PCDHA8: variants seen among roughly 807,000 people sequenced by gnomAD.
PCDHA8 encodes the protein protocadherin alpha 8.
A neutral mutation model predicts 61.8 loss-of-function variants in PCDHA8; 53 were observed. The observed-to-expected ratio is 0.86, with a 90% CI of 0.69 to 1.08. The LOEUF (loss-of-function observed/expected upper bound fraction) is 1.08. PCDHA8 is among the 50% of genes least tolerant of loss of function. PCDHA8 has a pLI of 0.00. For synonymous variants in PCDHA8, 618 were observed against 556.6 expected (o/e 1.11, Z -1.55); for missense variants, 1,293 against 1,245.0 (o/e 1.04, Z -0.58).
intron 1 of PCDHA8, among the ~76,000 whole-genome samples, chr5:140,941,599 G>A (rs1017713166): frequency 3.3e-5 from 5 of 152,116 alleles, no homozygotes; most frequent in African/African-American, 1.2e-4. Flanking sequence ...ACAGCCATGA[G>A]CCATGGTGCC....
intron 1 of PCDHA8, among the ~76,000 whole-genome samples, chr5:140,930,720 A>T (rs574022781): frequency 5.3e-5 from 8 of 152,226 alleles, no homozygotes; most frequent in Non-Finnish European, 8.8e-5. Flanking sequence ...TCAAGTAATG[A>T]TGTTAACTGC....
rs10569930 is a variant in PCDHA8, at chr5:140,925,641, TATAATAATAATA to T, written c.2395-53282_2395-53271del. On this transcript the variant is annotated intron_variant, in intron 1 of 3. Coordinates refer to ENST00000531613, the MANE Select transcript of PCDHA8 (RefSeq NM_018911.3). ...TGCACATGTACCCTAGAACTTAAAG[TATAATAATAATA>T]ATAATAATAATAATAATAATAATAA... Among the ~76,000 whole-genome samples the T allele has an allele frequency of 2.0e-4, 29 of 143,352 alleles. 1 individual carries two copies. Among genetic ancestry groups the T allele is most frequent in the Admixed American group, 7.0e-4 (10 of 14,330 alleles). 94.0% of individuals were successfully genotyped at this position (143,352 alleles called of 152,430 possible). A position where few individuals can be genotyped will look rare whatever the true frequency, so the allele number is the denominator to read the frequency against.
At chr5:140,933,073 T>C (rs1198976304) in intron 1 of PCDHA8, among the ~76,000 whole-genome samples, 1 of 152,026 alleles carries the variant, frequency 6.6e-6, no homozygotes, top group Non-Finnish European at 1.5e-5. Context: ...TAAAGTATTA[T>C]GGGAAGTAAG....
Position 140,841,355 on chromosome 5 carries a change from T to C in PCDHA8, c.34T>C (p.Trp12Arg). 6.2e-7 allele frequency: 1 copy of C among 1,612,706 alleles called. No homozygotes were observed. The highest frequency in any genetic ancestry group is 8.5e-7 in the Non-Finnish European group (1 of 1,179,190). The change falls in exon 1 of 4, where the codon TGG becomes CGG. Residue 12 changes from tryptophan (W) to arginine (R), a missense_variant. Trp to Arg is a moderately radical substitution (Grantham distance 101, BLOSUM62 -3). Transcript: ENST00000531613. ...DYHWRGELGSWRLLLLLLLLA... is the reference protein window; with the variant it reads ...DYHWRGELGSRRLLLLLLLLA... ...TCACTGGCGAGGAGAGCTGGGATCC[T>C]GGCGACTACTACTCTTGCTTCTGCT... is the stretch of plus-strand genomic sequence containing the variant.
intron 1 of PCDHA8, chr5:140,883,985 G>A (rs782534317): frequency 1.2e-6 from 2 of 1,612,814 alleles, no homozygotes; most frequent in Admixed American, 1.7e-5. Context: ...GGCTGGCAGC[G>A]CGGGAGGCAC....
At chr5:140,865,089 T>C (rs1462427966) in intron 1 of PCDHA8, 2 of 152,250 alleles carry the variant, frequency 1.3e-5, no homozygotes, top group Admixed American at 1.3e-4. Context: ...GGGATATTAA[T>C]AAAGGCACTT....
intron 1 of PCDHA8, chr5:140,870,676 G>C (rs561705674): frequency 1.9e-6 from 3 of 1,612,584 alleles, no homozygotes; most frequent in Non-Finnish European, 2.5e-6. Flanking sequence ...GTTGGACCAC[G>C]AGGAGCTGGA....
At chr5:140,875,859 C>G (rs1381473536) in intron 1 of PCDHA8, 1 of 1,614,038 alleles carries the variant, frequency 6.2e-7, no homozygotes, top group Non-Finnish European at 8.5e-7. Flanking sequence ...TTAACGACAA[C>G]CCGCCGGTGT....
rs782520879 is a variant in PCDHA8, at chr5:141,009,808, T to A, written c.2724T>A (p.Ile908=). Residue 908 remains isoleucine (I), a synonymous_variant, in exon 4 of 4, where the codon ATT becomes ATA. Transcript: ENST00000531613. ...GGCAGGAGCCTACTAACAGCCAAAT[T>A]GACAAAAGTGACTTCATAACCTTCG... The part of the protein sequence containing the change: ...SIRQEPTNSQ[I]DKSDFITFGK... The A allele has an allele frequency of 1.2e-6, 2 of 1,613,832 alleles. No homozygotes were observed. The highest frequency in any genetic ancestry group is 2.2e-5 in the South Asian group (2 of 91,042).
In PCDHA8 at chr5:140,844,489, A is replaced by G. The variant is rs914075659; in HGVS notation, c.2394+774A>G. The stretch of plus-strand genomic sequence containing the variant: ...TTTTTTGAGCCTCTATGTTTAGGAA[A>G]TGATTACTTTATTCTTGCAAGTATC... On this transcript the variant is annotated intron_variant, in intron 1 of 3. Coordinates refer to ENST00000531613, the MANE Select transcript of PCDHA8 (RefSeq NM_018911.3). Among the ~76,000 whole-genome samples, 7 of 149,414 alleles carry G rather than the reference A, an allele frequency of 4.7e-5. No individual in the cohort carries two copies. In the South Asian group the frequency reaches 1.5e-3, roughly 32 times the overall value.
intron 1 of PCDHA8, among the ~76,000 whole-genome samples, chr5:140,945,017 T>C (rs1563211481): frequency 6.6e-6 from 1 of 152,172 alleles, no homozygotes; most frequent in Non-Finnish European, 1.5e-5. Context: ...AATTATTTTT[T>C]ACTCAGACAT....
At chr5:140,854,902 A>G (rs2043266382) in intron 1 of PCDHA8, among the ~76,000 whole-genome samples, 1 of 150,050 alleles carries the variant, frequency 6.7e-6, no homozygotes, top group African/African-American at 2.4e-5. Flanking sequence ...AAGCGTAAAT[A>G]TAACAGGGTT....
rs138948867 is a variant in PCDHA8 at position 140,849,674 on chromosome 5, C to T, written c.2394+5959C>T. 1.4e-4 allele frequency: 225 copies of T among 1,598,712 alleles called. 14 individuals carry two copies. The African/African-American group carries it at 2.2e-3, about 16-fold the overall frequency. On this transcript the variant is annotated intron_variant, in intron 1 of 3. Coordinates refer to ENST00000531613, the MANE Select transcript of PCDHA8 (RefSeq NM_018911.3). The stretch of plus-strand genomic sequence containing the variant: ...TTACCTGCTCCCTGACGCCCCACGT[C>T]CCCTTCAAGCTGGTGTCCACCTACA...
chr5:140,998,228 T>G (rs528236708), intron 3 of PCDHA8, among the ~76,000 whole-genome samples: 1 of 152,288 alleles, frequency 6.6e-6, no homozygotes, highest in East Asian at 1.9e-4. Flanking sequence ...ACCCAGAAAT[T>G]TGTGCATTAT....
At chr5:140,890,356 T>C (rs139351817) in intron 1 of PCDHA8, among the ~76,000 whole-genome samples, 50 of 152,308 alleles carry the variant, frequency 3.3e-4, no homozygotes, top group African/African-American at 1.2e-3. Context: ...TATATAGCAA[T>C]GGATAACCTG....
Position 140,843,058 on chromosome 5 carries a change from G to A in PCDHA8, c.1737G>A (p.Lys579=). ...GTGGCACTGGTGGCGCAGCGAGCAA[G>A]CTGGTGCCGCGGTCTGTGGGCGCGG... ...RVGGTGGAAS[K]LVPRSVGAGH... is the part of the protein sequence containing the mutation. The change falls in exon 1 of 4, where the codon AAG becomes AAA. Residue 579 remains lysine (K), a synonymous_variant. Transcript: ENST00000531613. 3 of 1,595,232 alleles carry A rather than the reference G, an allele frequency of 1.9e-6. No individual in the cohort carries two copies. Among genetic ancestry groups the A allele is most frequent in the Non-Finnish European group, 2.6e-6 (3 of 1,165,262 alleles).
At chr5:140,936,212 A>C (rs1294255399) in intron 1 of PCDHA8, among the ~76,000 whole-genome samples, 1 of 152,126 alleles carries the variant, frequency 6.6e-6, no homozygotes, top group African/African-American at 2.4e-5. Context: ...TTTTTTATTT[A>C]GTATTCTTTC....
rs1207602014 is a variant in PCDHA8 at position 140,886,275 on chromosome 5, T to A, written c.2394+42560T>A. On this transcript the variant is annotated intron_variant, in intron 1 of 3. Transcript: ENST00000531613. ...ATCTCTATTTATAGATAAAATTTTT[T>A]AAAATTATTTTTATATTTATTTATT... 5.9e-5 allele frequency among the ~76,000 whole-genome samples: 9 copies of A among 152,098 alleles called. No homozygotes were observed. In the East Asian group the frequency reaches 1.5e-3, roughly 26 times the overall value.
Position 140,882,583 on chromosome 5 carries a change from C to T in PCDHA8, c.2394+38868C>T, listed in dbSNP as rs143956549. ...GGCGGAGCGCGGAGTGCAGCATCCA[C>T]CTGGAGGTGATCGTGGACAGGCCTC... On this transcript the variant is annotated intron_variant, in intron 1 of 3. Coordinates refer to ENST00000531613, the MANE Select transcript of PCDHA8 (RefSeq NM_018911.3). 2.3e-3 allele frequency: 3,635 copies of T among 1,614,232 alleles called. 15 individuals are homozygous for T. Among genetic ancestry groups the T allele is most frequent in the Middle Eastern group, 9.6e-3 (58 of 6,060 alleles).
Sources: allele counts gnomAD v4.1 joint callset (sites outside exome capture counted in the v4.1 genomes callset), GRCh38; gene constraint gnomAD v4.1.1; transcripts MANE v1.5; gene names NCBI Gene and HGNC (gene_info 2026-07-23, HGNC 2026-07-21).